Variants in RIT2 observed in about 807,000 individuals in gnomAD.
The protein encoded by RIT2 is Ras like without CAAX 2.
RIT2 carries 24 observed loss-of-function variants against 23.7 expected under a neutral mutation model. That is an observed-to-expected ratio of 1.01 (90% confidence interval 0.73 to 1.43). RIT2 has a LOEUF of 1.43. Among genes scored for constraint, RIT2 ranks in the 40% most tolerant of loss-of-function variants. The pLI is 0.00. For synonymous variants in RIT2, 107 were observed against 91.1 expected, an observed-to-expected ratio of 1.17 and a Z score of -0.99; for missense variants, 236 against 266.9, an observed-to-expected ratio of 0.88 and a Z score of 0.81.
chr18:42,967,243 C>T (rs563745519), intron 3 of RIT2, among the ~76,000 whole-genome samples: 1 of 152,168 alleles, frequency 6.6e-6, no homozygotes, highest in East Asian at 1.9e-4. Flanking sequence ...ATACTAACAA[C>T]ACTGTGATTG....
intron 4 of RIT2, among the ~76,000 whole-genome samples, chr18:42,745,493 G>T (rs150344192): frequency 8.9e-4 from 136 of 152,242 alleles, no homozygotes; most frequent in African/African-American, 3.1e-3. Context: ...GATCCCACTA[G>T]TAGCTGTTAA....
chr18:42,754,311 C>A (rs1323461134), intron 4 of RIT2, among the ~76,000 whole-genome samples: 1 of 152,084 alleles, frequency 6.6e-6, no homozygotes, highest in African/African-American at 2.4e-5. Flanking sequence ...CACCTGGGTT[C>A]TTAGACTGGT....
intron 3 of RIT2, among the ~76,000 whole-genome samples, chr18:42,947,646 C>T (rs1909757797): frequency 6.6e-6 from 1 of 151,938 alleles, no homozygotes; most frequent in Non-Finnish European, 1.5e-5. Context: ...AGAATGAGGC[C>T]ATGAATCAGC....
chr18:43,027,488 G>A (rs1911760492), intron 2 of RIT2, among the ~76,000 whole-genome samples: 1 of 152,010 alleles, frequency 6.6e-6, no homozygotes, highest in African/African-American at 2.4e-5. Flanking sequence ...AGCATTGGCA[G>A]TTCACCTAAG....
Position 42,749,750 on chromosome 18 carries a change from G to C in RIT2, c.427-6030C>G, listed in dbSNP as rs191419775. ...TTCTACCAAAATATAATTTTCAAAA[G>C]CTTACACACAAAAATAGAAATTCTA... On this transcript the variant is annotated intron_variant, in intron 4 of 4. Transcript: ENST00000326695. 1.6e-4 allele frequency among the ~76,000 whole-genome samples: 24 copies of C among 151,832 alleles called. No individual in the cohort carries two copies. The East Asian group carries it at 3.3e-3, about 21-fold the overall frequency.
chr18:42,866,043 A>G (rs1352316311), intron 4 of RIT2, among the ~76,000 whole-genome samples: 1 of 152,078 alleles, frequency 6.6e-6, no homozygotes, highest in Non-Finnish European at 1.5e-5. Flanking sequence ...CAGCACCATC[A>G]CTTATCTATT....
chr18:42,917,361 G>A (rs1019053504), intron 4 of RIT2, among the ~76,000 whole-genome samples: 4 of 152,154 alleles, frequency 2.6e-5, no homozygotes, highest in Non-Finnish European at 1.5e-5. Context: ...TGATAATGCA[G>A]TAATGACCTC....
intron 3 of RIT2, among the ~76,000 whole-genome samples, chr18:42,930,530 G>A (rs544731333): frequency 2.0e-5 from 3 of 152,064 alleles, no homozygotes; most frequent in Admixed American, 6.6e-5. Flanking sequence ...CCACTGCCTC[G>A]CCAAGGAAAG....
At chr18:43,105,035 C>G (rs1913775410) in intron 1 of RIT2, among the ~76,000 whole-genome samples, 3 of 151,950 alleles carry the variant, frequency 2.0e-5, no homozygotes, top group African/African-American at 7.3e-5. Flanking sequence ...CCCCTCTAAT[C>G]AGGCCCTTTG....
chr18:42,921,507 G>T (rs544258564), intron 4 of RIT2, among the ~76,000 whole-genome samples: 1 of 152,204 alleles, frequency 6.6e-6, no homozygotes, highest in East Asian at 1.9e-4. Flanking sequence ...CTGGGATAGG[G>T]GTTCTGATAA....
chr18:42,824,251 T>A (rs917461991), intron 4 of RIT2, among the ~76,000 whole-genome samples: 1 of 152,130 alleles, frequency 6.6e-6, no homozygotes, highest in African/African-American at 2.4e-5. Context: ...TAAATTCTCT[T>A]AGTTTAATTT....
At chr18:43,073,933 T>A (rs761235207) in intron 1 of RIT2, among the ~76,000 whole-genome samples, 6 of 152,056 alleles carry the variant, frequency 3.9e-5, no homozygotes, top group Non-Finnish European at 7.4e-5. Context: ...TAGGCAGAGA[T>A]AAATGAGAGA....
chr18:42,917,395 G>T (rs1198553361), intron 4 of RIT2, among the ~76,000 whole-genome samples: 1 of 152,098 alleles, frequency 6.6e-6, no homozygotes, highest in African/African-American at 2.4e-5. Flanking sequence ...GAATGTAGAA[G>T]AATTTGTTGT....
intron 4 of RIT2, among the ~76,000 whole-genome samples, chr18:42,796,071 C>G (rs553242445): frequency 2.6e-5 from 4 of 152,198 alleles, no homozygotes; most frequent in Admixed American, 2.0e-4. Context: ...GCAACCCGCT[C>G]AGGTCCTCTT....
intron 4 of RIT2, among the ~76,000 whole-genome samples, chr18:42,845,547 A>AG (rs1408877196): frequency 6.6e-6 from 1 of 150,686 alleles, no homozygotes; most frequent in Non-Finnish European, 1.5e-5. Context: ...CAATAACTGT[A>AG]GAATGTACAT....
intron 2 of RIT2, among the ~76,000 whole-genome samples, chr18:43,005,175 G>T (rs190523615): frequency 6.6e-6 from 1 of 151,594 alleles, no homozygotes; most frequent in Non-Finnish European, 1.5e-5. Flanking sequence ...CTTCAATCTG[G>T]CTTTAAAGCC....
At chr18:43,076,670 T>C (rs1010002304) in intron 1 of RIT2, among the ~76,000 whole-genome samples, 2 of 152,168 alleles carry the variant, frequency 1.3e-5, no homozygotes, top group African/African-American at 4.8e-5. Context: ...TCCATAGATA[T>C]GTCTAGCAAC....
intron 4 of RIT2, among the ~76,000 whole-genome samples, chr18:42,759,471 C>A (rs910679409): frequency 6.6e-6 from 1 of 151,948 alleles, no homozygotes; most frequent in Non-Finnish European, 1.5e-5. Flanking sequence ...CTTTTTATTA[C>A]CCTGTCTCTT....
chr18:42,807,531 T>C (rs1905717733), intron 4 of RIT2, among the ~76,000 whole-genome samples: 1 of 152,062 alleles, frequency 6.6e-6, no homozygotes, highest in African/African-American at 2.4e-5. Context: ...GGAGGAGAAT[T>C]GCTTGAACCC....
Sources: allele counts gnomAD v4.1 joint callset (sites outside exome capture counted in the v4.1 genomes callset), GRCh38; gene constraint gnomAD v4.1.1; transcripts MANE v1.5; gene names NCBI Gene and HGNC (gene_info 2026-07-23, HGNC 2026-07-21).